DOCK1: variants seen among roughly 807,000 people sequenced by gnomAD.
The protein encoded by DOCK1 is dedicator of cytokinesis 1.
In DOCK1, 138 loss-of-function variants were observed where a neutral mutation model predicts 262.7. That is an observed-to-expected ratio of 0.53 (90% CI 0.46 to 0.61). DOCK1 has a LOEUF of 0.61. DOCK1 is among the 20% of genes least tolerant of loss of function. The probability of loss-of-function intolerance (pLI) is 0.00; values close to 1 mark genes in which losing one functional copy is unlikely to be tolerated. For synonymous variants in DOCK1, 866 were observed against 867.4 expected (o/e 1.00, Z 0.03); for missense variants, 1,908 against 2,370.7 (o/e 0.80, Z 4.05).
Position 126,928,108 on chromosome 10 carries a change from C to T in DOCK1, c.46+22545C>T, listed in dbSNP as rs911503582. On this transcript the variant is annotated intron_variant, in intron 1 of 51. Transcript: ENST00000623213. Reference sequence around the variant, plus strand: ...CGGCACATCCTAGCCTCGTGTCGCTCGTTGGAGAAGCTGAAAAAATGAAAC... The same window carrying T: ...CGGCACATCCTAGCCTCGTGTCGCTTGTTGGAGAAGCTGAAAAAATGAAAC... Among the ~76,000 whole-genome samples the T allele has an allele frequency of 1.6e-3, 249 of 152,254 alleles. 1 individual carries two copies. Among genetic ancestry groups the T allele is most frequent in the African/African-American group, 5.4e-3 (225 of 41,552 alleles).
chr10:127,264,102 C>T (rs1406712289), intron 29 of DOCK1, among the ~76,000 whole-genome samples: 1 of 152,174 alleles, frequency 6.6e-6, no homozygotes, highest in Non-Finnish European at 1.5e-5. Context: ...TGGAATTAGA[C>T]TTTCTTGTTC....
At chr10:127,331,959 C>T (rs969896851) in intron 29 of DOCK1, among the ~76,000 whole-genome samples, 24 of 152,296 alleles carry the variant, frequency 1.6e-4, no homozygotes, top group African/African-American at 5.8e-4. Flanking sequence ...TCACCAAATG[C>T]CTAGCAGCAA....
At chr10:127,131,976 A>G (rs9299865) in intron 27 of DOCK1, among the ~76,000 whole-genome samples, 10,909 of 152,274 alleles carry the variant, frequency 0.072, 726 homozygotes, top group African/African-American at 0.18. Context: ...TGAAATTAAT[A>G]TACTTTACTT....
chr10:127,149,010 A>G (rs1288195630), intron 27 of DOCK1, among the ~76,000 whole-genome samples: 2 of 152,182 alleles, frequency 1.3e-5, no homozygotes, highest in Admixed American at 6.5e-5. Flanking sequence ...AAGCCCATCA[A>G]TCCTCTGCCG....
At chr10:127,445,902 A>G (rs1462824132) in intron 50 of DOCK1, among the ~76,000 whole-genome samples, 1 of 152,370 alleles carries the variant, frequency 6.6e-6, no homozygotes, top group Admixed American at 6.5e-5. Context: ...AGTGAAATAG[A>G]TCAGTCACAA....
chr10:127,295,946 C>T (rs956477516), intron 29 of DOCK1, among the ~76,000 whole-genome samples: 1 of 152,182 alleles, frequency 6.6e-6, no homozygotes, highest in Non-Finnish European at 1.5e-5. Flanking sequence ...TAATGATGCT[C>T]TTAAGTAAAA....
intron 1 of DOCK1, among the ~76,000 whole-genome samples, chr10:126,958,020 A>G (rs2036886723): frequency 2.6e-5 from 4 of 152,208 alleles, no homozygotes. Context: ...GTTATTTATG[A>G]CTTATCTATG....
chr10:127,228,542 G>A (rs887909281), intron 27 of DOCK1, among the ~76,000 whole-genome samples: 6 of 152,150 alleles, frequency 3.9e-5, no homozygotes, highest in Admixed American at 1.3e-4. Context: ...CTGTGGCTTG[G>A]TCGTAGCCTT....
chr10:127,414,950 G>C (rs887456804), intron 43 of DOCK1, among the ~76,000 whole-genome samples: 1 of 152,228 alleles, frequency 6.6e-6, no homozygotes, highest in Admixed American at 6.5e-5. Flanking sequence ...ATACTTTGAT[G>C]TATCCTGAGC....
At chr10:127,261,007 G>T (rs1321437956) in intron 29 of DOCK1, among the ~76,000 whole-genome samples, 1 of 138,002 alleles carries the variant, frequency 7.2e-6, no homozygotes, top group East Asian at 2.3e-4. Flanking sequence ...GTGTGTACCT[G>T]CATGTGTGTG....
intron 1 of DOCK1, among the ~76,000 whole-genome samples, chr10:126,912,203 C>G (rs894213799): frequency 6.6e-6 from 1 of 151,776 alleles, no homozygotes; most frequent in African/African-American, 2.4e-5. Flanking sequence ...CTGAGGTGGG[C>G]GGGTCACCTG....
chr10:127,093,248 T>TTCTTTCTTTCTTTC (rs1564797792), intron 23 of DOCK1, among the ~76,000 whole-genome samples: 1 of 82,388 alleles, frequency 1.2e-5, no homozygotes, highest in Non-Finnish European at 2.6e-5. Flanking sequence ...TCTTCTTTTT[T>TTCTTTCTTTCTTTC]TTTTTTTTTT....
At chr10:127,246,511 C>T (rs2134762626) in intron 27 of DOCK1, among the ~76,000 whole-genome samples, 1 of 152,286 alleles carries the variant, frequency 6.6e-6, no homozygotes, top group Non-Finnish European at 1.5e-5. Flanking sequence ...CAAATTTTGC[C>T]ATTTTACTAA....
intron 43 of DOCK1, among the ~76,000 whole-genome samples, chr10:127,412,539 CGGCTCTGCTGAGA>C (rs2067921932): frequency 6.6e-6 from 1 of 152,198 alleles, no homozygotes; most frequent in African/African-American, 2.4e-5. Flanking sequence ...CAAGGAGGAC[CGGCTCTGCTGAGA>C]ATGGCTTCTC....
intron 29 of DOCK1, among the ~76,000 whole-genome samples, chr10:127,304,872 A>T (rs1007489258): frequency 1.3e-5 from 2 of 152,114 alleles, no homozygotes; most frequent in Admixed American, 1.3e-4. Flanking sequence ...ACAGAGTGAG[A>T]CTTTGTCTGA....
chr10:127,335,705 G>A (rs2063160547), intron 29 of DOCK1, among the ~76,000 whole-genome samples: 1 of 149,732 alleles, frequency 6.7e-6, no homozygotes. Context: ...ACACCACCAG[G>A]CCCAGCTAAT....
intron 10 of DOCK1, among the ~76,000 whole-genome samples, chr10:127,005,817 CTGAT>C (rs1327904593): frequency 3.9e-5 from 6 of 152,166 alleles, no homozygotes; most frequent in Non-Finnish European, 8.8e-5. Context: ...GTTTATTTAA[CTGAT>C]TGATTTTTTA....
chr10:127,114,480 A>G (rs2049049699), intron 25 of DOCK1, among the ~76,000 whole-genome samples: 1 of 152,060 alleles, frequency 6.6e-6, no homozygotes. Context: ...GGAGAGGGAG[A>G]AGAGTGAGAG....
intron 23 of DOCK1, among the ~76,000 whole-genome samples, chr10:127,092,108 G>A (rs570108571): frequency 8.9e-4 from 136 of 152,304 alleles, no homozygotes; most frequent in Non-Finnish European, 1.4e-3. Flanking sequence ...GTGCCCAGTG[G>A]TGACTGTACT....
Sources: allele counts gnomAD v4.1 joint callset (sites outside exome capture counted in the v4.1 genomes callset), GRCh38; gene constraint gnomAD v4.1.1; transcripts MANE v1.5; gene names NCBI Gene and HGNC (gene_info 2026-07-23, HGNC 2026-07-21).